The following PRICKLE2 variants were observed in gnomAD, a reference collection of about 807,000 sequenced individuals.
PRICKLE2 encodes prickle-like protein 2.
Under a neutral mutation model 81.4 loss-of-function variants are expected in PRICKLE2, and 21 were observed. The observed-to-expected ratio is 0.26, with a 90% CI of 0.18 to 0.37. The LOEUF (loss-of-function observed/expected upper bound fraction) is 0.37, where lower values mean the gene tolerates loss of function less well. Among genes scored for constraint, PRICKLE2 ranks in the 10% least tolerant of loss-of-function variants. PRICKLE2 has a pLI of 1.00. For synonymous variants in PRICKLE2, 456 were observed against 421.5 expected (o/e 1.08, Z -1.00); for missense variants, 940 against 1,109.0 (o/e 0.85, Z 2.16).
At chr3:64,212,551 T>G (rs1000954695) in intron 1 of PRICKLE2, among the ~76,000 whole-genome samples, 2 of 152,210 alleles carry the variant, frequency 1.3e-5, no homozygotes, top group African/African-American at 4.8e-5. Context: ...CTACCTTCTT[T>G]GTGGACGAGG....
At chr3:64,257,432 G>T (rs1157441751) in intron 2 of PRICKLE2, among the ~76,000 whole-genome samples, 1 of 152,176 alleles carries the variant, frequency 6.6e-6, no homozygotes, top group Non-Finnish European at 1.5e-5. Flanking sequence ...GAGAAGAAAA[G>T]GCATATGTGC....
chr3:64,250,991 T>G (rs773990728), intron 2 of PRICKLE2, among the ~76,000 whole-genome samples: 29 of 152,328 alleles, frequency 1.9e-4, no homozygotes, highest in Non-Finnish European at 3.1e-4. Flanking sequence ...CCATCTGACA[T>G]GCTATATATT....
intron 7 of PRICKLE2, chr3:64,146,601 G>T (rs1162089565): frequency 3.9e-6 from 2 of 515,440 alleles, no homozygotes; most frequent in Non-Finnish European, 7.0e-6. Flanking sequence ...AAATTAGCCA[G>T]GCATGGTGGC....
intron 1 of PRICKLE2, among the ~76,000 whole-genome samples, chr3:64,213,050 A>G (rs747819017): frequency 9.9e-5 from 15 of 151,394 alleles, no homozygotes; most frequent in Non-Finnish European, 2.1e-4. Context: ...TAATCCTTCA[A>G]GGTCATACTA....
intron 2 of PRICKLE2, among the ~76,000 whole-genome samples, chr3:64,164,574 T>C (rs962809933): frequency 6.6e-6 from 1 of 152,218 alleles, no homozygotes; most frequent in African/African-American, 2.4e-5. Context: ...ATGTGAAAGC[T>C]ATCTTTATTT....
At chr3:64,199,069 T>G in intron 1 of PRICKLE2, 102 bp from the exon 2 acceptor site, 3 of 1,065,580 alleles carry the variant, frequency 2.8e-6, no homozygotes, top group Non-Finnish European at 4.2e-6. Flanking sequence ...CATAAACACA[T>G]TCCTTGGCAA....
At chr3:64,262,816 A>G (rs945471666) in intron 2 of PRICKLE2, among the ~76,000 whole-genome samples, 2 of 152,210 alleles carry the variant, frequency 1.3e-5, no homozygotes, top group African/African-American at 4.8e-5. Flanking sequence ...CTAAAACTCC[A>G]TAGGGTAGGT....
At chr3:64,175,379 C>G (rs1347034178) in intron 2 of PRICKLE2, among the ~76,000 whole-genome samples, 4 of 152,144 alleles carry the variant, frequency 2.6e-5, no homozygotes, top group Non-Finnish European at 5.9e-5. Flanking sequence ...TGATGGCTAG[C>G]TAGTTAGTTT....
intron 2 of PRICKLE2, among the ~76,000 whole-genome samples, chr3:64,191,353 T>C (rs161666): frequency 0.2 from 31,065 of 152,000 alleles, 3,815 homozygotes; most frequent in East Asian, 0.48. Context: ...ACAACTGACT[T>C]ATTGAGCAAC....
chr3:64,144,184 G>T (rs570943697), intron 7 of PRICKLE2, among the ~76,000 whole-genome samples: 43 of 152,334 alleles, frequency 2.8e-4, no homozygotes, highest in African/African-American at 9.6e-4. Context: ...AGATCTGACA[G>T]GATGGGGCTT....
At chr3:64,100,041 G>T in intron 7 of PRICKLE2, 116 bp from the exon 8 acceptor site, 1 of 1,158,646 alleles carries the variant, frequency 8.6e-7, no homozygotes, top group Non-Finnish European at 1.3e-6. Flanking sequence ...GTTGTGTACT[G>T]CACAAAGGCC....
chr3:64,153,431 G>T, intron 5 of PRICKLE2, 63 bp from the exon 6 acceptor site: 1 of 1,520,012 alleles, frequency 6.6e-7, no homozygotes. Flanking sequence ...TTTAAAGGAA[G>T]AAAGCTATGG....
intron 2 of PRICKLE2, among the ~76,000 whole-genome samples, chr3:64,197,722 G>A (rs1339583606): frequency 6.6e-6 from 1 of 152,136 alleles, no homozygotes; most frequent in Non-Finnish European, 1.5e-5. Flanking sequence ...GGAGGAGGGA[G>A]AGGGTCAGGA....
At chr3:64,143,851 G>A (rs1250895072) in intron 7 of PRICKLE2, among the ~76,000 whole-genome samples, 2 of 152,066 alleles carry the variant, frequency 1.3e-5, no homozygotes, top group East Asian at 1.9e-4. Context: ...TAAATCTTTC[G>A]AGAATAACAT....
intron 7 of PRICKLE2, among the ~76,000 whole-genome samples, chr3:64,131,179 T>C (rs1424584801): frequency 1.3e-5 from 2 of 152,184 alleles, no homozygotes; most frequent in East Asian, 1.9e-4. Flanking sequence ...GCCTCATCTG[T>C]TTCATCACAA....
intron 2 of PRICKLE2, among the ~76,000 whole-genome samples, chr3:64,171,485 A>C (rs535009604): frequency 6.6e-6 from 1 of 152,188 alleles, no homozygotes; most frequent in East Asian, 1.9e-4. Context: ...CTTTTTGTCA[A>C]AGAACTTATC....
intron 1 of PRICKLE2, chr3:64,199,907 C>T (rs762968582): frequency 1.3e-5 from 2 of 152,064 alleles, no homozygotes; most frequent in Non-Finnish European, 1.5e-5. Context: ...TCCGTAGCAC[C>T]TTATAAAGGT....
intron 2 of PRICKLE2, among the ~76,000 whole-genome samples, chr3:64,267,179 G>A (rs1463472750): frequency 6.6e-6 from 1 of 152,074 alleles, no homozygotes; most frequent in African/African-American, 2.4e-5. Context: ...CAGCATCTGA[G>A]AGGGTGCATT....
intron 2 of PRICKLE2, among the ~76,000 whole-genome samples, chr3:64,195,122 C>T (rs189505982): frequency 6.6e-6 from 1 of 152,298 alleles, no homozygotes; most frequent in East Asian, 1.9e-4. Flanking sequence ...TGTTCTGCTA[C>T]CATTAAACCC....
Sources: gnomAD v4.1 joint callset for allele counts (sites outside exome capture counted in the v4.1 genomes callset) on GRCh38, gnomAD v4.1.1 for gene constraint, MANE v1.5 for transcripts, NCBI Gene and HGNC (gene_info 2026-07-23, HGNC 2026-07-21) for gene names.